The following NELL1 variants were observed in gnomAD, a reference collection of about 807,000 sequenced individuals.
NELL1 encodes the protein protein kinase C-binding protein NELL1.
Under a neutral mutation model 107.4 loss-of-function variants are expected in NELL1, and 76 were observed. That is an observed-to-expected ratio of 0.71 (90% confidence interval 0.59 to 0.86). NELL1 has a LOEUF of 0.86. NELL1 is among the 40% of genes least tolerant of loss of function. NELL1 has a pLI of 0.00. For missense variants in NELL1, 1,024 were observed against 1,005.5 expected (o/e 1.02, Z -0.25); for synonymous variants, 353 against 341.2 (o/e 1.03, Z -0.38).
intron 12 of NELL1, among the ~76,000 whole-genome samples, chr11:21,057,272 G>A (rs1195443796): frequency 2.6e-5 from 4 of 152,028 alleles, no homozygotes; most frequent in African/African-American, 7.2e-5. Context: ...ATGATTAGAT[G>A]CATTTTTCAT....
At chr11:21,533,446 A>C (rs1262037963) in intron 15 of NELL1, among the ~76,000 whole-genome samples, 3 of 152,222 alleles carry the variant, frequency 2.0e-5, no homozygotes, top group Non-Finnish European at 4.4e-5. Context: ...GAAGATTCCC[A>C]GGCAGCAGTA....
intron 3 of NELL1, among the ~76,000 whole-genome samples, chr11:20,794,967 AAGCTGTCAACC>A (rs1857142478): frequency 6.6e-6 from 1 of 152,172 alleles, no homozygotes; most frequent in Admixed American, 6.5e-5. Context: ...GCCTTTTCCA[AAGCTGTCAACC>A]AGAGAAACTT....
chr11:20,984,746 C>T (rs976428948), intron 12 of NELL1, among the ~76,000 whole-genome samples: 1 of 151,962 alleles, frequency 6.6e-6, no homozygotes, highest in Non-Finnish European at 1.5e-5. Flanking sequence ...TCATATGGCA[C>T]CTTAATGACC....
chr11:21,237,796 C>A (rs957157611), intron 14 of NELL1, among the ~76,000 whole-genome samples: 6 of 152,064 alleles, frequency 3.9e-5, no homozygotes, highest in African/African-American at 9.7e-5. Flanking sequence ...GGGTTTCCTT[C>A]TGTCTCAGGT....
chr11:21,440,353 A>G (rs1853249646), intron 15 of NELL1, among the ~76,000 whole-genome samples: 1 of 151,956 alleles, frequency 6.6e-6, no homozygotes, highest in South Asian at 2.1e-4. Context: ...TCAAAGGTGG[A>G]CTTACATCAT....
At chr11:20,758,304 G>A (rs1292908205) in intron 2 of NELL1, among the ~76,000 whole-genome samples, 1 of 152,068 alleles carries the variant, frequency 6.6e-6, no homozygotes, top group Non-Finnish European at 1.5e-5. Context: ...GACCCATCAT[G>A]GTGTCGCCTG....
At chr11:20,961,628 C>T (rs182872396) in intron 12 of NELL1, among the ~76,000 whole-genome samples, 66 of 152,144 alleles carry the variant, frequency 4.3e-4, no homozygotes, top group Admixed American at 1.0e-3. Flanking sequence ...AGTTGACCCT[C>T]GAACAACACG....
chr11:20,990,701 T>A (rs1851953251), intron 12 of NELL1, among the ~76,000 whole-genome samples: 1 of 152,214 alleles, frequency 6.6e-6, no homozygotes, highest in Non-Finnish European at 1.5e-5. Flanking sequence ...CCCTGAGCTG[T>A]CATTTTTGCT....
intron 12 of NELL1, among the ~76,000 whole-genome samples, chr11:21,066,221 T>C (rs1258584150): frequency 6.6e-6 from 1 of 152,168 alleles, no homozygotes; most frequent in Non-Finnish European, 1.5e-5. Flanking sequence ...AGACATTGTG[T>C]CTCCCTGTTC....
intron 15 of NELL1, among the ~76,000 whole-genome samples, chr11:21,510,804 T>C (rs1013731232): frequency 5.3e-5 from 8 of 152,228 alleles, no homozygotes; most frequent in African/African-American, 1.9e-4. Flanking sequence ...TCTTCCTTAG[T>C]GGTCACTCAT....
intron 13 of NELL1, among the ~76,000 whole-genome samples, chr11:21,132,697 C>T (rs1855650022): frequency 6.6e-6 from 1 of 152,064 alleles, no homozygotes; most frequent in Non-Finnish European, 1.5e-5. Flanking sequence ...ATGCTACAGC[C>T]CTGGCTCGGG....
At chr11:21,324,659 C>T in intron 14 of NELL1, among the ~76,000 whole-genome samples, 1 of 152,044 alleles carries the variant, frequency 6.6e-6, no homozygotes, top group Non-Finnish European at 1.5e-5. Flanking sequence ...ACAAAGGCTG[C>T]TCTCAAGCAC....
At chr11:21,403,562 C>T (rs1852149622) in intron 15 of NELL1, among the ~76,000 whole-genome samples, 1 of 150,066 alleles carries the variant, frequency 6.7e-6, no homozygotes, top group Non-Finnish European at 1.5e-5. Flanking sequence ...CCCATCCTTA[C>T]ATCCTGGTTC....
chr11:21,427,329 A>C (rs1413990109), intron 15 of NELL1, among the ~76,000 whole-genome samples: 2 of 152,218 alleles, frequency 1.3e-5, no homozygotes, highest in Non-Finnish European at 2.9e-5. Flanking sequence ...AAGTTGATGT[A>C]ACAAAATGTA....
At chr11:21,300,572 A>T (rs951985588) in intron 14 of NELL1, among the ~76,000 whole-genome samples, 1 of 151,928 alleles carries the variant, frequency 6.6e-6, no homozygotes, top group Non-Finnish European at 1.5e-5. Flanking sequence ...TCAGGAGGCT[A>T]TAGTGGGCTC....
intron 13 of NELL1, among the ~76,000 whole-genome samples, chr11:21,192,681 C>T (rs1232377292): frequency 6.6e-6 from 1 of 151,796 alleles, no homozygotes; most frequent in Non-Finnish European, 1.5e-5. Flanking sequence ...CAAATTCATG[C>T]TTCCTATGGA....
intron 17 of NELL1, among the ~76,000 whole-genome samples, chr11:21,569,068 C>G (rs185086996): frequency 9.9e-5 from 15 of 151,836 alleles, no homozygotes; most frequent in Admixed American, 8.5e-4. Context: ...CAAACACATG[C>G]ATGAGTAATA....
At chr11:20,973,070 T>A (rs1208835183) in intron 12 of NELL1, among the ~76,000 whole-genome samples, 1 of 151,908 alleles carries the variant, frequency 6.6e-6, no homozygotes, top group Non-Finnish European at 1.5e-5. Flanking sequence ...TCAAACCTTA[T>A]TAGAGTGCCT....
intron 14 of NELL1, among the ~76,000 whole-genome samples, chr11:21,275,916 T>C (rs1016112716): frequency 1.3e-5 from 2 of 152,188 alleles, no homozygotes; most frequent in African/African-American, 4.8e-5. Flanking sequence ...TAATAAGAGC[T>C]ATCTATGACA....
Sources: gnomAD v4.1 joint callset for allele counts (sites outside exome capture counted in the v4.1 genomes callset) on GRCh38, gnomAD v4.1.1 for gene constraint, MANE v1.5 for transcripts, NCBI Gene and HGNC (gene_info 2026-07-23, HGNC 2026-07-21) for gene names.